The following DHRSX variants were observed in gnomAD, a reference collection of about 807,000 sequenced individuals.
The protein encoded by DHRSX is dehydrogenase/reductase X-linked.
In DHRSX, 31 loss-of-function variants were observed where a neutral mutation model predicts 34.0. The ratio of observed to expected loss-of-function variants is 0.91; its 90% CI spans 0.69 to 1.23. The LOEUF is 1.23. Among genes scored for constraint, DHRSX ranks in the 50% most tolerant of loss-of-function variants. The pLI, the probability that DHRSX is intolerant of heterozygous loss-of-function variation, is 0.00. For synonymous variants in DHRSX, 201 were observed against 183.8 expected (o/e 1.09, Z -0.76); for missense variants, 414 against 428.1 (o/e 0.97, Z 0.29).
In DHRSX at chrX:2,425,294, T is replaced by TGG; in HGVS notation, c.118_119dup (p.Arg41HisfsTer8). ...TCACTATAGCGACACGGTCAGGTCG[T>TGG]GGGGGGAAAACTGAAAAAGAAGAAG... On this transcript the variant is annotated frameshift_variant, in exon 2 of 7. Transcript: ENST00000334651. LOFTEE classifies it high-confidence loss of function. The TGG allele has an allele frequency of 6.2e-7, 1 of 1,613,022 alleles. No homozygotes were observed. The highest frequency in any genetic ancestry group is 8.5e-7 in the Non-Finnish European group (1 of 1,179,374).
rs2044156163 is a variant in DHRSX at position 2,447,690 on chromosome X, A to G, written c.110-22386T>C. ...ATGTGGCATAGACACACAGTGGAAT[A>G]GTATGCAGCCATGAAAAAGGAAATC... On this transcript the variant is annotated intron_variant, in intron 1 of 6. Transcript: ENST00000334651. 4.0e-5 allele frequency among the ~76,000 whole-genome samples: 6 copies of G among 150,618 alleles called. No individual in the cohort carries two copies. The Admixed American group carries it at 4.0e-4, about 10-fold the overall frequency.
chrX:2,224,562 G>A (rs2015593602), intron 6 of DHRSX, among the ~76,000 whole-genome samples: 5 of 152,154 alleles, frequency 3.3e-5, no homozygotes, highest in African/African-American at 7.2e-5. Flanking sequence ...CAGAGATGAC[G>A]ACGTGATGAA....
intron 3 of DHRSX, among the ~76,000 whole-genome samples, chrX:2,366,860 A>G (rs933732003): frequency 2.6e-5 from 4 of 152,030 alleles, no homozygotes; most frequent in African/African-American, 9.7e-5. Flanking sequence ...TGGCCTCCCA[A>G]AAGTGCTGGG....
intron 6 of DHRSX, among the ~76,000 whole-genome samples, chrX:2,238,909 TGC>T: frequency 6.6e-6 from 1 of 151,988 alleles, no homozygotes; most frequent in East Asian, 1.9e-4. Flanking sequence ...TAATATACAA[TGC>T]ATGCATGCAT....
chrX:2,225,498 ATTAT>A (rs1267641015), intron 6 of DHRSX, among the ~76,000 whole-genome samples: 3 of 152,218 alleles, frequency 2.0e-5, no homozygotes, highest in Non-Finnish European at 4.4e-5. Flanking sequence ...ACATGCACAG[ATTAT>A]TTATCCTAAT....
intron 6 of DHRSX, among the ~76,000 whole-genome samples, chrX:2,237,296 T>G (rs908624519): frequency 2.6e-5 from 4 of 152,184 alleles, no homozygotes; most frequent in Non-Finnish European, 4.4e-5. Context: ...TAAGACAGAC[T>G]TTCATTAGAC....
intron 3 of DHRSX, among the ~76,000 whole-genome samples, chrX:2,366,663 T>A (rs1034930507): frequency 1.3e-5 from 2 of 152,038 alleles, no homozygotes; most frequent in Non-Finnish European, 2.9e-5. Context: ...AGTGGAGCAG[T>A]CACAGCTCAC....
intron 4 of DHRSX, among the ~76,000 whole-genome samples, chrX:2,282,572 CAGAA>C (rs1009334313): frequency 2.7e-5 from 2 of 72,794 alleles, no homozygotes; most frequent in African/African-American, 7.9e-5. Flanking sequence ...GAGAGGGAAA[CAGAA>C]AGGGAGAGAG....
intron 1 of DHRSX, among the ~76,000 whole-genome samples, chrX:2,459,278 T>G (rs912267069): frequency 1.3e-5 from 2 of 152,070 alleles, no homozygotes; most frequent in Non-Finnish European, 2.9e-5. Context: ...ATTTTACATA[T>G]TCTCATCACC....
intron 3 of DHRSX, among the ~76,000 whole-genome samples, chrX:2,316,547 G>C (rs1471905838): frequency 1.3e-5 from 2 of 151,960 alleles, no homozygotes; most frequent in Non-Finnish European, 2.9e-5. Flanking sequence ...GCAAGACTCT[G>C]CCTCAAAAAC....
At chrX:2,276,519 A>G (rs1273043242) in intron 4 of DHRSX, among the ~76,000 whole-genome samples, 1 of 152,186 alleles carries the variant, frequency 6.6e-6, no homozygotes, top group Non-Finnish European at 1.5e-5. Flanking sequence ...TGCCAATTCA[A>G]AGGTGGAAAA....
intron 3 of DHRSX, among the ~76,000 whole-genome samples, chrX:2,342,563 G>A (rs779762035): frequency 7.2e-5 from 11 of 151,878 alleles, no homozygotes; most frequent in East Asian, 5.8e-4. Flanking sequence ...TGTCAACCCC[G>A]CAGATGACAA....
chrX:2,232,498 C>T (rs2015919000), intron 6 of DHRSX, among the ~76,000 whole-genome samples: 1 of 152,060 alleles, frequency 6.6e-6, no homozygotes, highest in Admixed American at 6.6e-5. Flanking sequence ...GAGAATGGGC[C>T]AGAGAGCTTG....
At chrX:2,405,260 G>A (rs1315295368) in intron 3 of DHRSX, among the ~76,000 whole-genome samples, 6 of 151,846 alleles carry the variant, frequency 4.0e-5, no homozygotes, top group African/African-American at 1.2e-4. Context: ...AGGCTGAGGC[G>A]GGTGGATCAT....
chrX:2,445,213 A>T (rs1369734201), intron 1 of DHRSX, among the ~76,000 whole-genome samples: 1 of 152,148 alleles, frequency 6.6e-6, no homozygotes, highest in Admixed American at 6.5e-5. Flanking sequence ...CAGGGCCGAA[A>T]AGGGCTAACT....
Position 2,425,189 on chromosome X carries a change from G to T in DHRSX, c.217+8C>A. 6.3e-7 allele frequency: 1 copy of T among 1,586,096 alleles called. No homozygotes were observed. Among genetic ancestry groups the T allele is most frequent in the Non-Finnish European group, 8.6e-7 (1 of 1,160,756 alleles). On this transcript the variant is annotated splice_region_variant and intron_variant, in intron 2 of 6. Transcript: ENST00000334651. ...ACAAAAAACACAAGTAACTGTAAAA[G>T]TCATCACCTATGATAACATGCATGC...
intron 4 of DHRSX, among the ~76,000 whole-genome samples, chrX:2,286,111 T>C (rs1010645335): frequency 6.6e-6 from 1 of 151,874 alleles, no homozygotes; most frequent in African/African-American, 2.4e-5. Context: ...AATCCAGCCT[T>C]CTCATTTGCA....
intron 3 of DHRSX, among the ~76,000 whole-genome samples, chrX:2,310,413 C>G (rs1201227656): frequency 6.6e-6 from 1 of 152,016 alleles, no homozygotes; most frequent in Non-Finnish European, 1.5e-5. Flanking sequence ...ATCTCTTAGT[C>G]GTTATGCAGG....
At chrX:2,334,385 G>A (rs375990344) in intron 3 of DHRSX, 13 of 151,960 alleles carry the variant, frequency 8.6e-5, no homozygotes, top group African/African-American at 2.4e-4. Context: ...GACTGGTCTC[G>A]AACTCCTGAC....
Sources: gnomAD v4.1 joint callset for allele counts (sites outside exome capture counted in the v4.1 genomes callset) on GRCh38, gnomAD v4.1.1 for gene constraint, MANE v1.5 for transcripts, NCBI Gene and HGNC (gene_info 2026-07-23, HGNC 2026-07-21) for gene names.